ABR: variants seen among roughly 807,000 people sequenced by gnomAD.
The protein encoded by ABR is active breakpoint cluster region-related protein.
In ABR, 35 loss-of-function variants were observed where a neutral mutation model predicts 107.2. That is an observed-to-expected ratio of 0.33 (90% CI 0.25 to 0.43). The LOEUF (loss-of-function observed/expected upper bound fraction) is 0.43. Ranked by LOEUF, ABR falls within the 20% of genes least tolerant of loss-of-function variation. The pLI, the probability that ABR is intolerant of heterozygous loss-of-function variation, is 1.00. For synonymous variants in ABR, 498 were observed against 462.0 expected (o/e 1.08, Z -1.00); for missense variants, 815 against 1,115.2 (o/e 0.73, Z 3.83).
intron 3 of ABR, among the ~76,000 whole-genome samples, chr17:1,093,502 G>A (rs938454603): frequency 2.6e-4 from 40 of 152,092 alleles, no homozygotes; most frequent in African/African-American, 5.8e-4. Flanking sequence ...CTTAATCTAC[G>A]TTGCTCTGCA....
rs982802635 is a variant in ABR at position 1,031,468 on chromosome 17, A to G, written c.1792-18304T>C. 802 of 614,990 alleles carry G rather than the reference A, an allele frequency of 1.3e-3. 1 individual carries two copies. Among genetic ancestry groups the G allele is most frequent in the Non-Finnish European group, 1.7e-3 (723 of 425,690 alleles). 38.1% of individuals were successfully genotyped at this position (614,990 alleles called of 1,614,324 possible). ...ACTTAGAGGGACGCGCACAGACCCCAGCTCTGTCCCGGGACTCCACGGAGG... is the reference window on the plus strand; with the variant it reads ...ACTTAGAGGGACGCGCACAGACCCCGGCTCTGTCCCGGGACTCCACGGAGG... On this transcript the variant is annotated intron_variant, in intron 16 of 22. Transcript: ENST00000302538.
Position 1,011,807 on chromosome 17 carries a change from C to T in ABR, c.2101+39G>A. The T allele has an allele frequency of 6.5e-7, 1 of 1,541,104 alleles. No individual in the cohort carries two copies. Among genetic ancestry groups the T allele is most frequent in the Non-Finnish European group, 8.8e-7 (1 of 1,137,768 alleles). On this transcript the variant is annotated intron_variant, in intron 19 of 22. Coordinates refer to ENST00000302538, the MANE Select transcript of ABR (RefSeq NM_021962.5). This position sits in a 1 kb window ranked among gnomAD's most constrained non-coding sequence, Gnocchi z 4.8. Reference sequence around the variant, plus strand: ...TGTCCATCCCACCAGCCTGCTCAGACACAGCCACACCTGCCCCGGCTGGGC... The same window carrying T: ...TGTCCATCCCACCAGCCTGCTCAGATACAGCCACACCTGCCCCGGCTGGGC...
At chr17:1,040,983 G>A (rs975941866) in intron 16 of ABR, among the ~76,000 whole-genome samples, 2 of 152,074 alleles carry the variant, frequency 1.3e-5, no homozygotes. Flanking sequence ...GCGCAATCTC[G>A]GCTCACCGCA....
At position 1,027,293 on chromosome 17, in the gene ABR, G is replaced by A. The variant is rs7210398; in HGVS notation, c.1792-14129C>T. Among the ~76,000 whole-genome samples the A allele has an allele frequency of 0.026, 4,028 of 152,282 alleles. 165 individuals are homozygous for A. Among genetic ancestry groups the A allele is most frequent in the African/African-American group, 0.088 (3,666 of 41,558 alleles). Reference sequence around the variant, plus strand: ...TGCAGGGAGGCCGGGGAGGACCAGCGCCCTTCTACCCTCCCTAGGTACCAA... The same window carrying A: ...TGCAGGGAGGCCGGGGAGGACCAGCACCCTTCTACCCTCCCTAGGTACCAA... On this transcript the variant is annotated intron_variant, in intron 16 of 22. Transcript: ENST00000302538. This position sits in a 1 kb window ranked among gnomAD's most constrained non-coding sequence, Gnocchi z 4.7.
chr17:1,017,337 G>A lies in ABR; in HGVS notation c.1792-4173C>T, dbSNP rs908017843. ...TAGTTCCTTCATCTCGTCTGGACAC[G>A]GAGCCGGGCCTGGGTCTGTCCCCAG... On this transcript the variant is annotated intron_variant, in intron 16 of 22. Coordinates refer to ENST00000302538, the MANE Select transcript of ABR (RefSeq NM_021962.5). Among the ~76,000 whole-genome samples, 12 of 152,106 alleles carry A rather than the reference G, an allele frequency of 7.9e-5. 1 individual carries two copies. The East Asian group carries it at 1.2e-3, about 15-fold the overall frequency.
At chr17:1,030,838 A>T (rs111253909) in intron 16 of ABR, among the ~76,000 whole-genome samples, 5,671 of 152,324 alleles carry the variant, frequency 0.037, 392 homozygotes, top group African/African-American at 0.13. Flanking sequence ...TGAGACAGCT[A>T]ACTCGGACAG....
chr17:1,220,520 G>T (rs1270414822), intron 1 of ABR, among the ~76,000 whole-genome samples: 1 of 152,176 alleles, frequency 6.6e-6, no homozygotes, highest in Non-Finnish European at 1.5e-5. Context: ...ACACAGAGCG[G>T]TGGTGCAAAG....
chr17:1,221,208 T>A lies in ABR; in HGVS notation c.838+7585A>T, dbSNP rs2043114537. Among the ~76,000 whole-genome samples, 3 of 152,166 alleles carry A rather than the reference T, an allele frequency of 2.0e-5. No individual in the cohort carries two copies. In the South Asian group the frequency reaches 6.2e-4, roughly 31 times the overall value. The stretch of plus-strand genomic sequence containing the variant: ...TACTTGAGGTGGCCATACACCCAGA[T>A]AAAATACTGCATTTCCCAGCCTCTC... On this transcript the variant is annotated intron_variant, in intron 1 of 22. Transcript: ENST00000574139.
Position 1,114,161 on chromosome 17 carries a change from C to A in ABR, c.246+11022G>T, listed in dbSNP as rs1489644153. 4.5e-5 allele frequency among the ~76,000 whole-genome samples: 5 copies of A among 111,430 alleles called. No homozygotes were observed. The South Asian group carries it at 1.0e-3, about 23-fold the overall frequency. 73.1% of individuals were successfully genotyped at this position (111,430 alleles called of 152,430 possible). ...TTCCAGACTGGGCCACAGAGAAAGA[C>A]CCTGTCTCAAAAAAAAAAAAAAAAT... is the stretch of plus-strand genomic sequence containing the variant. On this transcript the variant is annotated intron_variant, in intron 2 of 22. Coordinates refer to ENST00000302538, the MANE Select transcript of ABR (RefSeq NM_021962.5).
In ABR at chr17:1,150,263, A is replaced by G. The variant is rs116720313; in HGVS notation, c.62-24896T>C. 0.018 allele frequency among the ~76,000 whole-genome samples: 2,702 copies of G among 152,308 alleles called. 83 individuals carry two copies. Among genetic ancestry groups the G allele is most frequent in the African/African-American group, 0.061 (2,548 of 41,558 alleles). On this transcript the variant is annotated intron_variant, in intron 1 of 22. Coordinates refer to ENST00000302538, the MANE Select transcript of ABR (RefSeq NM_021962.5). This position sits in a 1 kb window ranked among gnomAD's most constrained non-coding sequence, Gnocchi z 4.8. ...TTCATCTTGCTAAAGATAACAGAGC[A>G]CTTGGCCAAGCCAGCGCGATGTCTG... is the stretch of plus-strand genomic sequence containing the variant.
chr17:1,195,085 A>C (rs1444783620), intron 1 of ABR, among the ~76,000 whole-genome samples: 1 of 142,354 alleles, frequency 7.0e-6, no homozygotes, highest in Non-Finnish European at 1.5e-5. Flanking sequence ...AGGCGGGCGG[A>C]TCACGAGGTC....
rs183121345 is a variant in ABR at position 1,096,291 on chromosome 17, T to C, written c.345+4346A>G. Among the ~76,000 whole-genome samples the C allele has an allele frequency of 6.1e-3, 920 of 149,822 alleles. 9 individuals carry two copies. Among genetic ancestry groups the C allele is most frequent in the African/African-American group, 0.022 (856 of 39,294 alleles). On this transcript the variant is annotated intron_variant, in intron 3 of 22. Coordinates refer to ENST00000302538, the MANE Select transcript of ABR (RefSeq NM_021962.5). Reference sequence around the variant, plus strand: ...AGGTACACACACCCAGCCCTTTGCATATCAGGAAGTGTTCAGATGAAAGCA... The same window carrying C: ...AGGTACACACACCCAGCCCTTTGCACATCAGGAAGTGTTCAGATGAAAGCA...
upstream of ABR, among the ~76,000 whole-genome samples, chr17:1,183,785 G>A (rs1404745333): frequency 2.0e-5 from 3 of 152,300 alleles, no homozygotes; most frequent in South Asian, 2.1e-4. Context: ...CCCGGTGCGT[G>A]CAGAGGCTGA....
intron 1 of ABR, among the ~76,000 whole-genome samples, chr17:1,227,475 G>A (rs1472501917): frequency 1.3e-5 from 2 of 152,214 alleles, no homozygotes; most frequent in African/African-American, 4.8e-5. Context: ...TTGCCTGTGG[G>A]AAACACAGCC....
At chr17:1,173,216 C>T (rs1304695545) in intron 1 of ABR, among the ~76,000 whole-genome samples, 3 of 125,732 alleles carry the variant, frequency 2.4e-5, no homozygotes, top group Non-Finnish European at 5.1e-5. Context: ...TCACCTCAGT[C>T]CACTCAACAC....
chr17:1,220,361 T>A (rs2043097809), intron 1 of ABR, among the ~76,000 whole-genome samples: 1 of 152,062 alleles, frequency 6.6e-6, no homozygotes, highest in African/African-American at 2.4e-5. Flanking sequence ...CCAGGCAGCC[T>A]CCCCTCAGAC....
chr17:1,215,262 C>T (rs9913733), intron 1 of ABR, among the ~76,000 whole-genome samples: 4,101 of 151,634 alleles, frequency 0.027, 196 homozygotes, highest in African/African-American at 0.094. Context: ...CTCTCCCTCT[C>T]TCTCCACGGT....
chr17:1,146,306 T>C (rs919817787), intron 1 of ABR, among the ~76,000 whole-genome samples: 40 of 125,848 alleles, frequency 3.2e-4, no homozygotes, highest in Non-Finnish European at 5.8e-4. Context: ...CATCACATCC[T>C]TGTGGCCCCA....
Position 1,125,264 on chromosome 17 carries a change from G to T in ABR, c.165C>A (p.Thr55=), listed in dbSNP as rs1225505791. Residue 55 remains threonine, a synonymous_variant, in exon 2 of 23, where the codon ACC becomes ACA. Coordinates refer to ENST00000302538, the MANE Select transcript of ABR (RefSeq NM_021962.5). The stretch of plus-strand genomic sequence containing the variant: ...TGCGGGCGCTGAGCTGCGGGGACAT[G>T]GTGGGCGACTCATCGATGTACGGCA... ...ETMPYIDESP[T]MSPQLSARSQ... is the part of the protein sequence containing the mutation. 6.2e-7 allele frequency: 1 copy of T among 1,613,364 alleles called. No homozygotes were observed. Among genetic ancestry groups the T allele is most frequent in the Non-Finnish European group, 8.5e-7 (1 of 1,179,754 alleles).
Sources: allele counts gnomAD v4.1 joint callset (sites outside exome capture counted in the v4.1 genomes callset), GRCh38; gene constraint gnomAD v4.1.1; non-coding constraint Gnocchi (gnomAD v3.1); transcripts MANE v1.5; gene names NCBI Gene and HGNC (gene_info 2026-07-23, HGNC 2026-07-21).